SHANK2: variants seen among roughly 807,000 people sequenced by gnomAD.
SHANK2 encodes the protein SH3 and multiple ankyrin repeat domains 2.
Under a neutral mutation model 133.7 loss-of-function variants are expected in SHANK2, and 43 were observed. The ratio of observed to expected loss-of-function variants is 0.32; its 90% CI spans 0.25 to 0.41. SHANK2 has a LOEUF of 0.41. Ranked by LOEUF, SHANK2 falls within the 10% of genes least tolerant of loss-of-function variation. The pLI, the probability that SHANK2 is intolerant of heterozygous loss-of-function variation, is 1.00. For synonymous variants in SHANK2, 1,017 were observed against 952.8 expected (o/e 1.07, Z -1.24); for missense variants, 1,994 against 2,235.8 (o/e 0.89, Z 2.18).
At chr11:71,072,607 T>A (rs1951158049) in intron 9 of SHANK2, among the ~76,000 whole-genome samples, 1 of 152,206 alleles carries the variant, frequency 6.6e-6, no homozygotes, top group Non-Finnish European at 1.5e-5. Flanking sequence ...AGCTGCATTA[T>A]CCACGACACT....
chr11:70,599,863 AAAAGAAAG>A (rs797024328), intron 17 of SHANK2, among the ~76,000 whole-genome samples: 4 of 68,250 alleles, frequency 5.9e-5, no homozygotes, highest in Admixed American at 1.6e-4. Context: ...GAAAGAAATA[AAAAGAAAG>A]AAAGAAAGAA....
rs141572964 is a variant in SHANK2 at position 70,703,083 on chromosome 11, G to A, written c.1778-4320C>T. On this transcript the variant is annotated intron_variant, in intron 14 of 25. Transcript: ENST00000601538. The stretch of plus-strand genomic sequence containing the variant: ...GGTCATGGAGTCTGTCAGCAGCAGT[G>A]TGGGCCTCCGACCTCAGATCTGTGC... Among the ~76,000 whole-genome samples, 9 of 152,354 alleles carry A rather than the reference G, an allele frequency of 5.9e-5. No homozygotes were observed. In the East Asian group the frequency reaches 1.2e-3, roughly 20 times the overall value.
chr11:71,173,082 T>G (rs1160438676), intron 2 of SHANK2, among the ~76,000 whole-genome samples: 1 of 152,238 alleles, frequency 6.6e-6, no homozygotes, highest in Non-Finnish European at 1.5e-5. Context: ...ACGCCTTGTT[T>G]GATGAAGTGT....
chr11:70,776,823 A>G (rs1947374822), intron 14 of SHANK2, among the ~76,000 whole-genome samples: 1 of 147,932 alleles, frequency 6.8e-6, no homozygotes. Flanking sequence ...TCCATCCCTT[A>G]ACCACTCATC....
chr11:71,252,705 G>C (rs1948207358), upstream of SHANK2: 1 of 150,632 alleles, frequency 6.6e-6, no homozygotes, highest in South Asian at 2.1e-4. The surrounding 1 kb of genome is among the most constrained non-coding windows in gnomAD (Gnocchi z 6.3). Flanking sequence ...CCCCGCCCAC[G>C]CCGCGGACCT....
At chr11:71,083,433 A>G (rs1357777695) in intron 8 of SHANK2, among the ~76,000 whole-genome samples, 2 of 152,152 alleles carry the variant, frequency 1.3e-5, no homozygotes, top group Non-Finnish European at 2.9e-5. Context: ...AGAGCTCTAC[A>G]AACTGTTACT....
At chr11:71,116,548 G>C (rs1951983206) in intron 4 of SHANK2, among the ~76,000 whole-genome samples, 2 of 152,258 alleles carry the variant, frequency 1.3e-5, no homozygotes, top group Non-Finnish European at 2.9e-5. Flanking sequence ...AGCTCAAAGA[G>C]CCCCGGTCAC....
chr11:71,124,724 T>C (rs782666909), intron 3 of SHANK2, among the ~76,000 whole-genome samples: 4 of 152,134 alleles, frequency 2.6e-5, no homozygotes, highest in Non-Finnish European at 4.4e-5. Context: ...TTCCTCTCTA[T>C]ACACACCCAC....
chr11:71,190,364 G>A (rs565602734), intron 2 of SHANK2, among the ~76,000 whole-genome samples: 3 of 152,238 alleles, frequency 2.0e-5, no homozygotes, highest in East Asian at 1.9e-4. Flanking sequence ...TAGAGGCAGC[G>A]GTGCTAAGTA....
At chr11:70,493,293 C>G (rs1238050375) in intron 21 of SHANK2, among the ~76,000 whole-genome samples, 1 of 145,842 alleles carries the variant, frequency 6.9e-6, no homozygotes, top group Admixed American at 6.9e-5. Flanking sequence ...CCAGGGTGCT[C>G]GTGGCCCCAG....
At chr11:70,521,317 G>A (rs563176009) in intron 17 of SHANK2, among the ~76,000 whole-genome samples, 38 of 152,260 alleles carry the variant, frequency 2.5e-4, no homozygotes, top group Admixed American at 1.4e-3. Context: ...CAGGATTACC[G>A]AAAAGAGGTT....
At chr11:71,134,221 T>G (rs1330171558) in intron 3 of SHANK2, among the ~76,000 whole-genome samples, 1 of 149,688 alleles carries the variant, frequency 6.7e-6, no homozygotes, top group African/African-American at 2.5e-5. Context: ...CCACGTGCGG[T>G]GCCACCCCAT....
At chr11:70,593,061 TG>T (rs1277847008) in intron 17 of SHANK2, among the ~76,000 whole-genome samples, 1 of 152,222 alleles carries the variant, frequency 6.6e-6, no homozygotes, top group Non-Finnish European at 1.5e-5. Flanking sequence ...CACGTCTGTC[TG>T]GCCCCATAGT....
At chr11:70,561,726 G>GT (rs1164203815) in intron 17 of SHANK2, among the ~76,000 whole-genome samples, 4 of 150,432 alleles carry the variant, frequency 2.7e-5, no homozygotes, top group Non-Finnish European at 4.4e-5. Flanking sequence ...TGGCAGGGGG[G>GT]GTCTCACTAT....
intron 14 of SHANK2, among the ~76,000 whole-genome samples, chr11:70,760,611 A>C (rs1347062560): frequency 6.6e-6 from 1 of 152,258 alleles, no homozygotes; most frequent in Non-Finnish European, 1.5e-5. Flanking sequence ...TCAGCCTGAC[A>C]GGACCCTTGA....
intron 3 of SHANK2, among the ~76,000 whole-genome samples, chr11:71,128,872 C>T (rs544437481): frequency 6.6e-6 from 1 of 152,192 alleles, no homozygotes; most frequent in African/African-American, 2.4e-5. Context: ...GCAACCTCCA[C>T]CTCCTGGGTT....
At chr11:70,483,118 T>G (rs1276266719) in intron 25 of SHANK2, among the ~76,000 whole-genome samples, 2 of 152,182 alleles carry the variant, frequency 1.3e-5, no homozygotes, top group Non-Finnish European at 2.9e-5. Context: ...AGCTCCTTCC[T>G]TACTGCAGAC....
chr11:70,945,857 T>A (rs1262970435), intron 10 of SHANK2, among the ~76,000 whole-genome samples: 1 of 152,082 alleles, frequency 6.6e-6, no homozygotes, highest in Non-Finnish European at 1.5e-5. Flanking sequence ...AATTATTGGA[T>A]CTACAGCCCT....
intron 11 of SHANK2, among the ~76,000 whole-genome samples, chr11:70,867,364 G>C (rs1166660302): frequency 1.3e-5 from 2 of 152,230 alleles, no homozygotes; most frequent in Non-Finnish European, 2.9e-5. Flanking sequence ...GCAGGGCCGA[G>C]AGCAGGTCCG....
Sources: gnomAD v4.1 joint callset for allele counts (sites outside exome capture counted in the v4.1 genomes callset) on GRCh38, gnomAD v4.1.1 for gene constraint, Gnocchi (gnomAD v3.1) non-coding constraint, MANE v1.5 for transcripts, NCBI Gene and HGNC (gene_info 2026-07-23, HGNC 2026-07-21) for gene names.